TARS2: variants seen among roughly 807,000 people sequenced by gnomAD.
The protein encoded by TARS2 is threonyl-tRNA synthetase 2, mitochondrial.
A neutral mutation model predicts 94.4 loss-of-function variants in TARS2; 61 were observed. The ratio of observed to expected loss-of-function variants is 0.65; its 90% CI spans 0.53 to 0.80. The LOEUF (loss-of-function observed/expected upper bound fraction) is 0.80. TARS2 is among the 30% of genes least tolerant of loss of function. The pLI is 0.00. For missense variants in TARS2, 704 were observed against 902.5 expected, an observed-to-expected ratio of 0.78 and a Z score of 2.82; for synonymous variants, 359 against 353.4, an observed-to-expected ratio of 1.02 and a Z score of -0.18.
At chr1:150,492,065 A>G (rs756804058) in intron 6 of TARS2, 2 of 272,124 alleles carry the variant, frequency 7.3e-6, no homozygotes, top group African/African-American at 2.3e-5. Flanking sequence ...TCCCGGGTTC[A>G]AACAATTCTT....
chr1:150,504,073 A>G (rs1670087308), intron 13 of TARS2, among the ~76,000 whole-genome samples: 1 of 152,048 alleles, frequency 6.6e-6, no homozygotes, highest in South Asian at 2.1e-4. Context: ...TGAGGAGCTC[A>G]AGGAATTGAG....
intron 10 of TARS2, 29 bp downstream of exon 10, chr1:150,497,776 G>T (rs1669732591): frequency 6.2e-7 from 1 of 1,600,786 alleles, no homozygotes; most frequent in Non-Finnish European, 8.5e-7. Context: ...TTACAATCAG[G>T]TTGCTAAATA....
chr1:150,492,828 A>AAAAAAAAC (rs1669460211), intron 7 of TARS2, among the ~76,000 whole-genome samples: 1 of 150,060 alleles, frequency 6.7e-6, no homozygotes, highest in Non-Finnish European at 1.5e-5. Flanking sequence ...AAAAAAAAAA[A>AAAAAAAAC]TTCCTGGTTT....
At chr1:150,503,617 ATG>A (rs1553905465) in intron 13 of TARS2, among the ~76,000 whole-genome samples, 6 of 123,884 alleles carry the variant, frequency 4.8e-5, no homozygotes, top group South Asian at 2.4e-4. Context: ...GTGTATATAT[ATG>A]TGTGTGTATA....
rs200224131 is a variant in TARS2 at position 150,503,633 on chromosome 1, G to GTGTGTGTATATA, written c.1618-660_1618-649dup. Among the ~76,000 whole-genome samples the GTGTGTGTATATA allele has an allele frequency of 4.1e-3, 369 of 89,256 alleles. 4 individuals carry two copies. Among genetic ancestry groups the GTGTGTGTATATA allele is most frequent in the African/African-American group, 0.012 (328 of 26,556 alleles). 58.6% of individuals were successfully genotyped at this position (89,256 alleles called of 152,430 possible). On this transcript the variant is annotated intron_variant, in intron 13 of 17. Transcript: ENST00000369064. ...TGTATATATATGTGTGTGTATATATGTGTGTGTATATATGTGTGTATATAT... is the reference window on the plus strand; with the variant it reads ...TGTATATATATGTGTGTGTATATATGTGTGTGTATATATGTGTGTATATATGTGTGTATATAT...
rs991943245 is a variant in TARS2 at position 150,487,965 on chromosome 1, C to G, written c.174C>G (p.Pro58=). ...TAGCAAGCATGGCACAGAAGGAACC[C>G]CGGACTATTAAGATATCACTTCCTG... ...KRLASMAQKE[P]RTIKISLPGG... Residue 58 remains proline (P), a synonymous_variant, in exon 2 of 18, where the codon CCC becomes CCG. Coordinates refer to ENST00000369064, the MANE Select transcript of TARS2 (RefSeq NM_025150.5). The G allele has an allele frequency of 3.1e-6, 5 of 1,613,952 alleles. No individual in the cohort carries two copies. The African/African-American group carries it at 4.0e-5, about 13-fold the overall frequency.
Position 150,491,588 on chromosome 1 carries a change from C to T in TARS2, c.631-10C>T. 1 of 1,614,056 alleles carries T rather than the reference C, an allele frequency of 6.2e-7. No homozygotes were observed. The highest frequency in any genetic ancestry group is 8.5e-7 in the Non-Finnish European group (1 of 1,179,994). On this transcript the variant is annotated splice_polypyrimidine_tract_variant and intron_variant, in intron 5 of 17. Coordinates refer to ENST00000369064, the MANE Select transcript of TARS2 (RefSeq NM_025150.5). ...CACTTTTCTTCAATCTCCCTTCTAC[C>T]TTTTTCCAGGATAACCCCTTTAAGC...
At chr1:150,489,330 G>A (rs1355180220) in intron 3 of TARS2, 9 of 496,130 alleles carry the variant, frequency 1.8e-5, no homozygotes, top group South Asian at 6.1e-5. Flanking sequence ...TTGAAAAAAC[G>A]AAAGGATAAA....
At chr1:150,499,164 T>G in intron 12 of TARS2, 52 bp from the exon 13 acceptor site, 1 of 1,611,758 alleles carries the variant, frequency 6.2e-7, no homozygotes, top group Non-Finnish European at 8.5e-7. Context: ...CCGGATGTGT[T>G]GCTTTTGAAG....
intron 4 of TARS2, 71 bp from the exon 5 acceptor site, chr1:150,491,323 C>A: frequency 1.3e-6 from 2 of 1,491,728 alleles, no homozygotes; most frequent in Non-Finnish European, 1.9e-6. Flanking sequence ...TACCCGCTAG[C>A]CAACAGGTGT....
chr1:150,488,878 C>G (rs1669259676), intron 2 of TARS2, 86 bp from the exon 3 acceptor site: 3 of 1,531,688 alleles, frequency 2.0e-6, no homozygotes, highest in Middle Eastern at 3.5e-4. Context: ...TTTAAACTCT[C>G]ATATAGGAAT....
chr1:150,490,008 C>T (rs769498540), intron 3 of TARS2, among the ~76,000 whole-genome samples: 73 of 151,588 alleles, frequency 4.8e-4, no homozygotes, highest in Non-Finnish European at 8.2e-4. Context: ...TGGCCTCCAG[C>T]TTCTATGCTT....
At position 150,491,514 on chromosome 1, in the gene TARS2, G is replaced by A. The variant is rs776715197; in HGVS notation, c.630+3G>A. ...ATCAGCTTCGCCAGTTGTTCAAGGT[G>A]GGGTGGAGGGAAGAGGTGGCTCTTC... On this transcript the variant is annotated splice_donor_region_variant and intron_variant, in intron 5 of 17. Coordinates refer to ENST00000369064, the MANE Select transcript of TARS2 (RefSeq NM_025150.5). 2.5e-6 allele frequency: 4 copies of A among 1,614,070 alleles called. No homozygotes were observed. The South Asian group carries it at 4.4e-5, about 18-fold the overall frequency.
intron 4 of TARS2, among the ~76,000 whole-genome samples, chr1:150,491,010 T>C (rs1669357565): frequency 6.6e-6 from 1 of 151,818 alleles, no homozygotes; most frequent in Non-Finnish European, 1.5e-5. Context: ...AGCCATGATC[T>C]TAACCACTGC....
At position 150,504,389 on chromosome 1, in the gene TARS2, C is replaced by T; in HGVS notation, c.1672C>T (p.Gln558Ter). Residue 558 changes from glutamine to a stop codon, truncating the protein, a stop_gained, in exon 14 of 18, where the codon CAG becomes TAG. Coordinates refer to ENST00000369064, the MANE Select transcript of TARS2 (RefSeq NM_025150.5). LOFTEE classifies it high-confidence loss of function. ...CCGGCCACATCAGTGTGGGACAATTCAGCTTGACTTCCAACTGCCCCTGAG... is the reference window on the plus strand; with the variant it reads ...CCGGCCACATCAGTGTGGGACAATTTAGCTTGACTTCCAACTGCCCCTGAG... Reference protein sequence around the residue: ...LGRPHQCGTIQLDFQLPLRFD... With the variant: ...LGRPHQCGTI The T allele has an allele frequency of 2.5e-6, 4 of 1,614,104 alleles. No individual in the cohort carries two copies. Among genetic ancestry groups the T allele is most frequent in the Non-Finnish European group, 3.4e-6 (4 of 1,180,018 alleles).
intron 11 of TARS2, 69 bp downstream of exon 11, chr1:150,498,733 C>A (rs1048069278): frequency 1.9e-6 from 3 of 1,608,656 alleles, no homozygotes; most frequent in Non-Finnish European, 2.5e-6. Context: ...ACCTGCAAAC[C>A]CCTGATCTTT....
At position 150,496,915 on chromosome 1, in the gene TARS2, G is replaced by C; in HGVS notation, c.1020+7G>C. 6.2e-7 allele frequency: 1 copy of C among 1,613,798 alleles called. No individual in the cohort carries two copies. The highest frequency in any genetic ancestry group is 1.1e-5 in the South Asian group (1 of 91,040). On this transcript the variant is annotated splice_region_variant and intron_variant, in intron 9 of 17. Coordinates refer to ENST00000369064, the MANE Select transcript of TARS2 (RefSeq NM_025150.5). ...ACTAGTGGCGTTTATCAGGGTAAGGGGACCCAGGTCTAGAGGAAAGAAGAC... is the reference window on the plus strand; with the variant it reads ...ACTAGTGGCGTTTATCAGGGTAAGGCGACCCAGGTCTAGAGGAAAGAAGAC...
chr1:150,490,877 G>C (rs187732052), intron 4 of TARS2, 152 bp downstream of exon 4: 5 of 1,195,816 alleles, frequency 4.2e-6, no homozygotes, highest in Non-Finnish European at 5.9e-6. Context: ...TTCTGTGCTA[G>C]TCCATGTCCC....
chr1:150,491,400 C>T lies in TARS2; in HGVS notation c.519C>T (p.Ile173=). ...CCAATTCTCCTCTTTCCAGGACAAT[C>T]CGGGGCTCAGAGCTGCCTGTTTTGG... ...HDFFLGKERT[I]RGSELPVLER... is the part of the protein sequence containing the mutation. The change falls in exon 5 of 18, where the codon ATC becomes ATT. Residue 173 remains isoleucine, a synonymous_variant. Transcript: ENST00000369064. 1 of 1,612,806 alleles carries T rather than the reference C, an allele frequency of 6.2e-7. No individual in the cohort carries two copies. The highest frequency in any genetic ancestry group is 1.1e-5 in the South Asian group (1 of 91,018).
Sources: allele counts gnomAD v4.1 joint callset (sites outside exome capture counted in the v4.1 genomes callset), GRCh38; gene constraint gnomAD v4.1.1; transcripts MANE v1.5; gene names NCBI Gene and HGNC (gene_info 2026-07-23, HGNC 2026-07-21).